The following IPO4 variants were observed in gnomAD, a reference collection of about 807,000 sequenced individuals.
The protein encoded by IPO4 is importin-4.
IPO4 carries 91 observed loss-of-function variants against 133.5 expected under a neutral mutation model. The ratio of observed to expected loss-of-function variants is 0.68; its 90% confidence interval spans 0.58 to 0.81. The LOEUF (loss-of-function observed/expected upper bound fraction) is 0.81. Ranked by LOEUF, IPO4 falls within the 30% of genes least tolerant of loss-of-function variation. The pLI, the probability that IPO4 is intolerant of heterozygous loss-of-function variation, is 0.00. For synonymous variants in IPO4, 607 were observed against 581.6 expected (o/e 1.04, Z -0.63); for missense variants, 1,279 against 1,386.2 (o/e 0.92, Z 1.23).
chr14:24,188,293 T>G (rs2039255843), intron 3 of IPO4, 36 bp from the exon 4 acceptor site: 5 of 1,613,064 alleles, frequency 3.1e-6, no homozygotes, highest in Non-Finnish European at 3.4e-6. Flanking sequence ...GTACCCAGCC[T>G]GCCCAAGAAA....
Position 24,181,575 on chromosome 14 carries a change from A to C in IPO4, c.2983T>G (p.Leu995Val), listed in dbSNP as rs1391075175. ...LLHALPLKEDLEEWVTIGRLF... is the reference protein window; with the variant it reads ...LLHALPLKEDVEEWVTIGRLF... ...CGCCCAATGGTGACCCACTCCTCCA[A>C]GTCCTCCTTCAGTGGCAGGGCATGC... Residue 995 changes from leucine (L) to valine (V), a missense_variant, in exon 28 of 30, where the codon TTG becomes GTG. Leu to Val is a conservative substitution (Grantham distance 32). Transcript: ENST00000354464. 6.2e-7 allele frequency: 1 copy of C among 1,611,986 alleles called. No individual in the cohort carries two copies. Among genetic ancestry groups the C allele is most frequent in the Non-Finnish European group, 8.5e-7 (1 of 1,179,124 alleles).
At position 24,182,827 on chromosome 14, in the gene IPO4, T is replaced by A; in HGVS notation, c.2437A>T (p.Thr813Ser). Residue 813 changes from threonine (T) to serine (S), a missense_variant, in exon 24 of 30, where the codon ACT becomes TCT. Physicochemically the swap from Thr to Ser is moderately conservative, Grantham distance 58. Transcript: ENST00000354464. ...TCTTCCTCTTCCTCCTCCTCGTCAG[T>A]ATCCTGACAGGCTGTCTACAAGAAG... is the stretch of plus-strand genomic sequence containing the variant. ...VLQRKTACQD[T>S]DEEEEEEDDD... is the part of the protein sequence containing the mutation. 1 of 1,614,176 alleles carries A rather than the reference T, an allele frequency of 6.2e-7. No homozygotes were observed. The highest frequency in any genetic ancestry group is 8.5e-7 in the Non-Finnish European group (1 of 1,180,010).
Position 24,180,495 on chromosome 14 carries a change from A to G in IPO4, c.3193T>C (p.Ser1065Pro), listed in dbSNP as rs752261889. Reference protein sequence around the residue: ...HTDSFQAALGSLPVDKAQELQ... With the variant: ...HTDSFQAALGPLPVDKAQELQ... Reference sequence around the variant, plus strand: ...TCCTGAGCCTTGTCAACAGGCAGTGAGCCCAGAGCTGCTTGAAAGCTGTCG... The same window carrying G: ...TCCTGAGCCTTGTCAACAGGCAGTGGGCCCAGAGCTGCTTGAAAGCTGTCG... Residue 1065 changes from serine to proline, a missense_variant, in exon 30 of 30, where the codon TCA becomes CCA. By Grantham distance (74) the Ser-to-Pro change is moderately conservative (BLOSUM62 -1). Around this residue, in one of 3 missense-constraint regions of IPO4, gnomAD observed 575 missense variants for 653.4 expected, o/e 0.88. Transcript: ENST00000354464. The G allele has an allele frequency of 1.9e-6, 3 of 1,613,902 alleles. No individual in the cohort carries two copies. The highest frequency in any genetic ancestry group is 2.5e-6 in the Non-Finnish European group (3 of 1,179,864).
rs754696114 is a variant in IPO4 at position 24,188,570 on chromosome 14, G to C, written c.138C>G (p.Ala46=). The change falls in exon 2 of 30, where the codon GCC becomes GCG. Residue 46 remains alanine (A), a synonymous_variant. Coordinates refer to ENST00000354464, the MANE Select transcript of IPO4 (RefSeq NM_024658.4). ...GTCTCACCTGGGGGTCGGCCGCCGA[G>C]GCTAGCAGGTCGCAGAGAGCCGGCA... is the stretch of plus-strand genomic sequence containing the variant. ...AALPALCDLL[A]SAADPQIRQF... 6.2e-7 allele frequency: 1 copy of C among 1,613,106 alleles called. No homozygotes were observed. Among genetic ancestry groups the C allele is most frequent in the Middle Eastern group, 1.7e-4 (1 of 6,054 alleles).
At chr14:24,185,372 G>A in intron 13 of IPO4, 60 bp from the exon 14 acceptor site, 1 of 1,613,008 alleles carries the variant, frequency 6.2e-7, no homozygotes, top group Non-Finnish European at 8.5e-7. Flanking sequence ...ACACAAGAGT[G>A]CTGATGGCAG....
In IPO4 at chr14:24,180,554, A is replaced by G; in HGVS notation, c.3134T>C (p.Leu1045Ser). 6.2e-7 allele frequency: 1 copy of G among 1,614,112 alleles called. No individual in the cohort carries two copies. The highest frequency in any genetic ancestry group is 1.1e-5 in the South Asian group (1 of 91,064). The change falls in exon 30 of 30, where the codon TTG becomes TCG. Residue 1045 changes from leucine to serine, a missense_variant. By Grantham distance (145) the Leu-to-Ser change is moderately radical. Transcript: ENST00000354464. ...TTTGGCCAGGAACGTCAGGAGCAGC[A>G]ACAGTGCGGCCTTGGTGTCTGGGTG... ...KIPPDTKAAL[L>S]LLLTFLAKQH...
Position 24,182,336 on chromosome 14 carries a change from C to A in IPO4, c.2540G>T (p.Gly847Val). ...AAAGAATGGGGCAAAGGAGTCTCCC[C>A]CAGCCGCGGCTGCCAGGGCAGGGAT... ...EAIPALAAAA[G>V]GDSFAPFFAG... is the part of the protein sequence containing the mutation. The change falls in exon 25 of 30, where the codon GGG becomes GTG. Residue 847 changes from glycine to valine, a missense_variant. Coordinates refer to ENST00000354464, the MANE Select transcript of IPO4 (RefSeq NM_024658.4). The A allele has an allele frequency of 6.2e-7, 1 of 1,613,886 alleles. No homozygotes were observed. Among genetic ancestry groups the A allele is most frequent in the East Asian group, 2.2e-5 (1 of 44,870 alleles).
chr14:24,186,006 C>A (rs770382664), intron 11 of IPO4, 36 bp from the exon 12 acceptor site: 1 of 1,604,916 alleles, frequency 6.2e-7, no homozygotes, highest in Non-Finnish European at 8.5e-7. Context: ...GAAACCCCAG[C>A]AAGAGCCTGC....
chr14:24,184,413 G>C lies in IPO4; in HGVS notation c.1642C>G (p.Leu548Val), dbSNP rs776459985. ...CCCACTGCTCGTGCCAGCACCCCCA[G>C]TGTCTCTGTGGGGGCAAGGGCTCCA... ...QPVQIQSLET[L>V]GVLARAVGEP... The change falls in exon 17 of 30, where the codon CTG (leucine) becomes GTG (valine). Residue 548 changes from leucine (L) to valine (V), a missense_variant. Around this residue, in one of 3 missense-constraint regions of IPO4, gnomAD observed 695 missense variants for 704.1 expected, o/e 0.99. Coordinates refer to ENST00000354464, the MANE Select transcript of IPO4 (RefSeq NM_024658.4). The C allele has an allele frequency of 1.2e-6, 2 of 1,609,670 alleles. No homozygotes were observed. The highest frequency in any genetic ancestry group is 1.7e-6 in the Non-Finnish European group (2 of 1,178,222).
In IPO4 at chr14:24,183,022, C is replaced by T. The variant is rs771283996; in HGVS notation, c.2375G>A (p.Arg792His). The T allele has an allele frequency of 4.0e-5, 64 of 1,613,784 alleles. No individual in the cohort carries two copies. The highest frequency in any genetic ancestry group is 3.8e-4 in the South Asian group (35 of 91,078). The change falls in exon 23 of 30, where the codon CGC becomes CAC. Residue 792 changes from arginine (R) to histidine (H), a missense_variant. Transcript: ENST00000354464. ...CGTLTLKPPG[R>H]LAELCGVLKA... ...GAGCACGCCACAGAGCTCAGCGAGG[C>T]GCCCAGGGGGCTTCAGTGTGAGGGT...
rs1338847517 is a variant in IPO4, at chr14:24,185,578, C to T, written c.1170-11G>A. ...AGTGGGGGCAGCAGTCTGGATGGGG[C>T]AAACAAGAGGACATAGGCTGAGAAG... On this transcript the variant is annotated splice_polypyrimidine_tract_variant and intron_variant, in intron 12 of 29. Transcript: ENST00000354464. The T allele has an allele frequency of 6.2e-7, 1 of 1,608,080 alleles. No individual in the cohort carries two copies. Among genetic ancestry groups the T allele is most frequent in the Non-Finnish European group, 8.5e-7 (1 of 1,174,570 alleles).
intron 28 of IPO4, among the ~76,000 whole-genome samples, chr14:24,181,255 A>G (rs766427053): frequency 6.6e-6 from 1 of 152,230 alleles, no homozygotes; most frequent in Non-Finnish European, 1.5e-5. Context: ...GGCTCAGACC[A>G]AAGGGTAGAA....
chr14:24,181,740 C>T lies in IPO4; in HGVS notation c.2911G>A (p.Ala971Thr), dbSNP rs1286829400. 5 of 1,602,164 alleles carry T rather than the reference C, an allele frequency of 3.1e-6. No individual in the cohort carries two copies. In the East Asian group the frequency reaches 1.1e-4, roughly 36 times the overall value. ...ICGALARLLM[A>T]SPTRKPEPQV... ...GGCTCTGGTTTCCTGGTGGGACTGG[C>T]CATCAACAGGCGGGCAAGTGCCCCA... The change falls in exon 27 of 30, where the codon GCC becomes ACC. Residue 971 changes from alanine to threonine, a missense_variant. Ala to Thr is a moderately conservative substitution (Grantham distance 58, BLOSUM62 0). Transcript: ENST00000354464.
Position 24,188,634 on chromosome 14 carries a change from G to A in IPO4, c.74C>T (p.Thr25Met), listed in dbSNP as rs772279525. 1 of 1,610,716 alleles carries A rather than the reference G, an allele frequency of 6.2e-7. No homozygotes were observed. Among genetic ancestry groups the A allele is most frequent in the South Asian group, 1.1e-5 (1 of 90,812 alleles). The change falls in exon 2 of 30, where the codon ACG (threonine) becomes ATG (methionine). Residue 25 changes from threonine to methionine, a missense_variant. Coordinates refer to ENST00000354464, the MANE Select transcript of IPO4 (RefSeq NM_024658.4). The stretch of plus-strand genomic sequence containing the variant: ...CCGAAGAACGATCTGGAGCTGTTCC[G>A]TGGCCTGGGGGGAAGCTAGGGGTGA... ...LPDTERIRRATEQLQIVLRAP... is the reference protein window; with the variant it reads ...LPDTERIRRAMEQLQIVLRAP...
rs145493403 is a variant in IPO4, at chr14:24,187,523, G to T, written c.465C>A (p.Pro155=). The T allele has an allele frequency of 4.1e-5, 66 of 1,614,160 alleles. No homozygotes were observed. The African/African-American group carries it at 7.5e-4, about 18-fold the overall frequency. ...GAAGCCGAAGAAGCTCCCGGTGGTG[G>T]GGTTGGAAGGCCTCGGGCCGGGAGG... ...VVTSRPEAFQ[P]HHRELLRLLN... The change falls in exon 6 of 30, where the codon CCC becomes CCA. Residue 155 remains proline (P), a synonymous_variant. Transcript: ENST00000354464.
intron 18 of IPO4, 23 bp downstream of exon 18, chr14:24,183,972 GCCC>G: frequency 4.1e-5 from 65 of 1,572,730 alleles, no homozygotes; most frequent in African/African-American, 5.5e-5. Flanking sequence ...GGCAGGCCTG[GCCC>G]AGCCCACCCA....
Position 24,188,811 on chromosome 14 carries a change from T to A in IPO4, c.-24A>T. On this transcript the variant is annotated 5_prime_UTR_variant, in exon 1 of 30. Coordinates refer to ENST00000354464, the MANE Select transcript of IPO4 (RefSeq NM_024658.4). ...ATGGCAGCAACTGAGCCGCCGCTACTGGGCCGAAAAGGGGAGGGGGAGGGA... is the reference window on the plus strand; with the variant it reads ...ATGGCAGCAACTGAGCCGCCGCTACAGGGCCGAAAAGGGGAGGGGGAGGGA... 2 of 1,482,850 alleles carry A rather than the reference T, an allele frequency of 1.3e-6. No individual in the cohort carries two copies. The highest frequency in any genetic ancestry group is 9.0e-7 in the Non-Finnish European group (1 of 1,115,800). 91.9% of individuals were successfully genotyped at this position (1,482,850 alleles called of 1,614,324 possible). A position where few individuals can be genotyped will look rare whatever the true frequency, so the allele number is the denominator to read the frequency against.
chr14:24,183,148 C>A lies in IPO4; in HGVS notation c.2249G>T (p.Arg750Leu). 2 of 1,612,744 alleles carry A rather than the reference C, an allele frequency of 1.2e-6. No individual in the cohort carries two copies. The highest frequency in any genetic ancestry group is 1.7e-6 in the Non-Finnish European group (2 of 1,179,130). Reference sequence around the variant, plus strand: ...TGCCTGCATGTAGGATGGCACGACTCGGGCCAGGGCAGCCTGCAAAGCTGG... The same window carrying A: ...TGCCTGCATGTAGGATGGCACGACTAGGGCCAGGGCAGCCTGCAAAGCTGG... Reference protein sequence around the residue: ...NTAALQAALARVVPSYMQAVN... With the variant: ...NTAALQAALALVVPSYMQAVN... Residue 750 changes from arginine to leucine, a missense_variant, in exon 23 of 30, where the codon CGA (arginine) becomes CTA (leucine). By Grantham distance (102) the Arg-to-Leu change is moderately radical. This residue lies in a region of IPO4 where 575 missense variants were observed against 653.4 expected (regional missense o/e 0.88). Coordinates refer to ENST00000354464, the MANE Select transcript of IPO4 (RefSeq NM_024658.4).
Position 24,186,145 on chromosome 14 carries a change from T to A in IPO4, c.1043A>T (p.Lys348Met). 6.2e-7 allele frequency: 1 copy of A among 1,613,666 alleles called. No homozygotes were observed. Among genetic ancestry groups the A allele is most frequent in the Non-Finnish European group, 8.5e-7 (1 of 1,179,866 alleles). ...CACACTTACCAGCTGGGGACAGAGCTTCTCGGGGGGCAGGTGTAGTGCCAG... is the reference window on the plus strand; with the variant it reads ...CACACTTACCAGCTGGGGACAGAGCATCTCGGGGGGCAGGTGTAGTGCCAG... ...DMLALHLPPE[K>M]LCPQLMPMLE... The change falls in exon 11 of 30, where the codon AAG (lysine) becomes ATG (methionine). Residue 348 changes from lysine (K) to methionine (M), a missense_variant. Physicochemically the swap from Lys to Met is moderately conservative, Grantham distance 95. Coordinates refer to ENST00000354464, the MANE Select transcript of IPO4 (RefSeq NM_024658.4).
Sources: allele counts gnomAD v4.1 joint callset (sites outside exome capture counted in the v4.1 genomes callset), GRCh38; gene constraint gnomAD v4.1.1; regional missense constraint gnomAD v4.1.1; transcripts MANE v1.5; gene names NCBI Gene and HGNC (gene_info 2026-07-23, HGNC 2026-07-21).